Variants in SLC49A4 observed in about 807,000 individuals in gnomAD.
The protein encoded by SLC49A4 is disrupted in renal cancer protein 2.
A neutral mutation model predicts 50.6 loss-of-function variants in SLC49A4; 36 were observed. The observed-to-expected ratio is 0.71, with a 90% confidence interval of 0.55 to 0.94. The LOEUF (loss-of-function observed/expected upper bound fraction) is 0.94. Among genes scored for constraint, SLC49A4 ranks in the 40% least tolerant of loss-of-function variants. The probability of loss-of-function intolerance (pLI) is 0.00; values close to 1 mark genes in which losing one functional copy is unlikely to be tolerated. For missense variants in SLC49A4, 503 were observed against 605.7 expected (o/e 0.83, Z 1.78); for synonymous variants, 248 against 241.2 (o/e 1.03, Z -0.26).
At chr3:122,806,207 A>G (rs1228479149) in intron 1 of SLC49A4, among the ~76,000 whole-genome samples, 2 of 152,242 alleles carry the variant, frequency 1.3e-5, no homozygotes, top group Middle Eastern at 3.4e-3. Flanking sequence ...TCTATTAGAG[A>G]TATAAAACTA....
rs770427479 is a variant in SLC49A4, at chr3:122,824,564, CTCT to C, written c.438-2231_438-2229del. Among the ~76,000 whole-genome samples the C allele has an allele frequency of 6.6e-5, 10 of 152,012 alleles. No individual in the cohort carries two copies. The South Asian group carries it at 8.3e-4, about 13-fold the overall frequency. On this transcript the variant is annotated intron_variant, in intron 2 of 8. Coordinates refer to ENST00000261038, the MANE Select transcript of SLC49A4 (RefSeq NM_032839.3). ...AGCTTCACTTTGCTTCTCTTCTCTT[CTCT>C]TCTTTCTTTCTCTTTCTTTCTTTCC...
rs185352330 is a variant in SLC49A4 at position 122,848,021 on chromosome 3, G to T, written c.942+2150G>T. Among the ~76,000 whole-genome samples, 325 of 152,246 alleles carry T rather than the reference G, an allele frequency of 2.1e-3. 2 individuals carry two copies. The highest frequency in any genetic ancestry group is 7.1e-3 in the African/African-American group (296 of 41,544). Reference sequence around the variant, plus strand: ...AGTTGCAGTAGCACTTTTCAAGTGCGGGATAGCCACATGAGACTAGCAGCT... The same window carrying T: ...AGTTGCAGTAGCACTTTTCAAGTGCTGGATAGCCACATGAGACTAGCAGCT... On this transcript the variant is annotated intron_variant, in intron 5 of 8. Transcript: ENST00000261038.
intron 6 of SLC49A4, among the ~76,000 whole-genome samples, chr3:122,858,057 A>G (rs1050730698): frequency 3.9e-5 from 6 of 152,210 alleles, no homozygotes; most frequent in Non-Finnish European, 8.8e-5. Flanking sequence ...CAATTTTAAA[A>G]TTACTTTCCT....
intron 8 of SLC49A4, among the ~76,000 whole-genome samples, chr3:122,876,072 T>G (rs1027284605): frequency 2.0e-5 from 3 of 152,220 alleles, no homozygotes; most frequent in African/African-American, 4.8e-5. Flanking sequence ...AAGTTGTTAC[T>G]TGCTCCCTAA....
chr3:122,845,724 T>G (rs989417537), intron 4 of SLC49A4, 39 bp from the exon 5 acceptor site: 1 of 1,267,830 alleles, frequency 7.9e-7, no homozygotes. Context: ...TCTAGATTTT[T>G]AATTTGTTAC....
At chr3:122,838,999 G>T (rs969261870) in intron 4 of SLC49A4, among the ~76,000 whole-genome samples, 2 of 151,966 alleles carry the variant, frequency 1.3e-5, no homozygotes, top group Non-Finnish European at 2.9e-5. Flanking sequence ...TACTACAAGG[G>T]TATAGTTACT....
chr3:122,800,433 A>G (rs1282726565), intron 1 of SLC49A4, among the ~76,000 whole-genome samples: 1 of 152,274 alleles, frequency 6.6e-6, no homozygotes, highest in Non-Finnish European at 1.5e-5. Flanking sequence ...AATTTATGCC[A>G]TAAAGGGCAG....
Position 122,872,551 on chromosome 3 carries a change from T to G in SLC49A4, c.1275T>G (p.Asn425Lys). Reference sequence around the variant, plus strand: ...GTGGAGTTGTCACTTTTTTAAGTAATATGTTTATGGGAGTACTTTTATTTT... The same window carrying G: ...GTGGAGTTGTCACTTTTTTAAGTAAGATGTTTATGGGAGTACTTTTATTTT... ...ITCGVVTFLSNMFMGVLLFFL... is the reference protein window; with the variant it reads ...ITCGVVTFLSKMFMGVLLFFL... The change falls in exon 8 of 9, where the codon AAT (asparagine) becomes AAG (lysine). Residue 425 changes from asparagine to lysine, a missense_variant. Asn to Lys is a moderately conservative substitution (Grantham distance 94). Coordinates refer to ENST00000261038, the MANE Select transcript of SLC49A4 (RefSeq NM_032839.3). 1 of 1,607,194 alleles carries G rather than the reference T, an allele frequency of 6.2e-7. No homozygotes were observed. The highest frequency in any genetic ancestry group is 8.5e-7 in the Non-Finnish European group (1 of 1,174,182).
rs1937331744 is a variant in SLC49A4, at chr3:122,880,970, A to T, written c.*1592A>T. The T allele has an allele frequency of 6.6e-6, 1 of 152,188 alleles. No homozygotes were observed. 9.4% of individuals were successfully genotyped at this position (152,188 alleles called of 1,614,324 possible). On this transcript the variant is annotated 3_prime_UTR_variant, in exon 9 of 9. Transcript: ENST00000261038. ...GGAAGTAAGAAACCGTTCAAATTTA[A>T]CATCTGTCTTCAGTCATCTTTAAAT...
chr3:122,852,072 A>G (rs1327688457), intron 5 of SLC49A4, among the ~76,000 whole-genome samples: 1 of 150,358 alleles, frequency 6.7e-6, no homozygotes, highest in Non-Finnish European at 1.5e-5. Context: ...GCTCACTGCA[A>G]CCTCTGCCTT....
chr3:122,879,256 C>CTGTA lies in SLC49A4; in HGVS notation c.1322-6_1322-5insGTAT. 6.2e-7 allele frequency: 1 copy of CTGTA among 1,607,212 alleles called. No individual in the cohort carries two copies. The highest frequency in any genetic ancestry group is 8.5e-7 in the Non-Finnish European group (1 of 1,174,320). On this transcript the variant is annotated splice_polypyrimidine_tract_variant and splice_region_variant and intron_variant, in intron 8 of 8. Transcript: ENST00000261038. ...TGTTTAAAACTGCATGTTTTTTTGT[C>CTGTA]TTACAGAGTTGTCTTGGTTCAACTG... is the stretch of plus-strand genomic sequence containing the variant.
At chr3:122,824,283 C>T (rs940175038) in intron 2 of SLC49A4, among the ~76,000 whole-genome samples, 1 of 152,156 alleles carries the variant, frequency 6.6e-6, no homozygotes, top group Admixed American at 6.5e-5. Context: ...AACCAAGAAC[C>T]CATCTGAAGT....
intron 1 of SLC49A4, among the ~76,000 whole-genome samples, chr3:122,803,198 G>C (rs2107555389): frequency 6.6e-6 from 1 of 152,220 alleles, no homozygotes; most frequent in South Asian, 2.1e-4. Flanking sequence ...AAAGCATGGA[G>C]AGAAAAAAGA....
At chr3:122,851,331 A>G (rs1216031478) in intron 5 of SLC49A4, among the ~76,000 whole-genome samples, 1 of 152,088 alleles carries the variant, frequency 6.6e-6, no homozygotes, top group Non-Finnish European at 1.5e-5. Flanking sequence ...TGGGTGACAA[A>G]TTCTTTAGTT....
chr3:122,876,337 C>G (rs887481320), intron 8 of SLC49A4, among the ~76,000 whole-genome samples: 2 of 152,194 alleles, frequency 1.3e-5, no homozygotes, highest in Non-Finnish European at 2.9e-5. Context: ...TCAGCTCTTT[C>G]ATTTTAAAGT....
chr3:122,823,952 A>T (rs1356891896), intron 2 of SLC49A4, among the ~76,000 whole-genome samples: 1 of 152,204 alleles, frequency 6.6e-6, no homozygotes, highest in Non-Finnish European at 1.5e-5. Context: ...GTTGTAACAC[A>T]TTAGAAGCTG....
At chr3:122,839,885 TGGTGTCTACCCAAA>T (rs1300700307) in intron 4 of SLC49A4, among the ~76,000 whole-genome samples, 1 of 152,168 alleles carries the variant, frequency 6.6e-6, no homozygotes, top group African/African-American at 2.4e-5. Context: ...ATCCCACTAC[TGGTGTCTACCCAAA>T]GGAGAAAAGT....
At chr3:122,850,550 C>T (rs1936913346) in intron 5 of SLC49A4, among the ~76,000 whole-genome samples, 1 of 151,792 alleles carries the variant, frequency 6.6e-6, no homozygotes. Context: ...ATCTGTTGCC[C>T]AGGCTGGAGT....
intron 2 of SLC49A4, among the ~76,000 whole-genome samples, chr3:122,809,915 C>A (rs747533435): frequency 6.6e-6 from 1 of 152,190 alleles, no homozygotes; most frequent in African/African-American, 2.4e-5. Flanking sequence ...ATCTTTTAAG[C>A]AGTGTTGTTA....
Sources: gnomAD v4.1 joint callset for allele counts (sites outside exome capture counted in the v4.1 genomes callset) on GRCh38, gnomAD v4.1.1 for gene constraint, MANE v1.5 for transcripts, NCBI Gene and HGNC (gene_info 2026-07-23, HGNC 2026-07-21) for gene names.